The following MTOR variants were observed in gnomAD, a reference collection of about 807,000 sequenced individuals.
MTOR encodes the protein serine/threonine-protein kinase mTOR.
In MTOR, 70 loss-of-function variants were observed where a neutral mutation model predicts 319.8. The ratio of observed to expected loss-of-function variants is 0.22; its 90% CI spans 0.18 to 0.27. MTOR has a LOEUF of 0.27. Ranked by LOEUF, MTOR falls within the 10% of genes least tolerant of loss-of-function variation. The pLI, the probability that MTOR is intolerant of heterozygous loss-of-function variation, is 1.00. For missense variants in MTOR, 1,890 were observed against 3,274.4 expected (o/e 0.58, Z 10.32); for synonymous variants, 1,183 against 1,211.4 (o/e 0.98, Z 0.49).
At chr1:11,110,686 G>A (rs2015818) in intron 54 of MTOR, among the ~76,000 whole-genome samples, 85,336 of 151,932 alleles carry the variant, frequency 0.56, 28,898 homozygotes, top group East Asian at 0.78. Flanking sequence ...ATGAACCACC[G>A]CACCCGGGTG....
chr1:11,107,494 A>T lies in MTOR; in HGVS notation c.7641T>A (p.Pro2547=). Residue 2547 remains proline, a synonymous_variant, in exon 58 of 58, where the codon CCT becomes CCA. Transcript: ENST00000361445. ...NLCQCYIGWC[P]FW ...ACATCTGGGCCTCCAGTTACCAGAA[A>T]GGGCACCTAAGAAGGCAGAAAGAAA... The T allele has an allele frequency of 1.9e-6, 3 of 1,613,488 alleles. No individual in the cohort carries two copies. The highest frequency in any genetic ancestry group is 2.5e-6 in the Non-Finnish European group (3 of 1,179,826).
At chr1:11,117,181 G>T in intron 49 of MTOR, 95 bp from the exon 50 acceptor site, 1 of 1,040,366 alleles carries the variant, frequency 9.6e-7, no homozygotes, top group South Asian at 1.6e-5. Context: ...GTACTTTTGA[G>T]ACCGAGTCTC....
Position 11,240,286 on chromosome 1 carries a change from C to T in MTOR, c.1786+17G>A. Reference sequence around the variant, plus strand: ...GCATCTCTCACTATCTTGGCAAGAGCCGTTGTAATTTCTTACCTTCAAATT... The same window carrying T: ...GCATCTCTCACTATCTTGGCAAGAGTCGTTGTAATTTCTTACCTTCAAATT... On this transcript the variant is annotated intron_variant, in intron 11 of 57. Transcript: ENST00000361445. 6.5e-7 allele frequency: 1 copy of T among 1,537,582 alleles called. No individual in the cohort carries two copies. The highest frequency in any genetic ancestry group is 8.7e-7 in the Non-Finnish European group (1 of 1,143,398).
At chr1:11,180,368 T>C (rs1645108584) in intron 28 of MTOR, among the ~76,000 whole-genome samples, 1 of 152,216 alleles carries the variant, frequency 6.6e-6, no homozygotes, top group Non-Finnish European at 1.5e-5. Flanking sequence ...ATTGGCACCC[T>C]GGAAACATGT....
Position 11,107,394 on chromosome 1 carries a change from A to C in MTOR, c.*91T>G. The C allele has an allele frequency of 6.4e-7, 1 of 1,568,350 alleles. No individual in the cohort carries two copies. The highest frequency in any genetic ancestry group is 8.6e-7 in the Non-Finnish European group (1 of 1,165,154). On this transcript the variant is annotated 3_prime_UTR_variant, in exon 58 of 58. Transcript: ENST00000361445. ...CATTTCAAAATATTTAACAAAGTCA[A>C]ACTTTCTCACCATGGTTTCAGTTTA...
chr1:11,192,460 AGAAAG>A, intron 28 of MTOR: 2 of 1,191,522 alleles, frequency 1.7e-6, no homozygotes, highest in Admixed American at 1.9e-5. Context: ...CACAGTTTAA[AGAAAG>A]GAAAATTCGG....
intron 34 of MTOR, among the ~76,000 whole-genome samples, chr1:11,141,399 G>C (rs745834584): frequency 1.3e-5 from 2 of 151,096 alleles, no homozygotes; most frequent in South Asian, 4.2e-4. Context: ...AGGTGGGATC[G>C]TTCTTGTCTC....
intron 28 of MTOR, chr1:11,192,198 C>T (rs1161216083): frequency 7.2e-6 from 8 of 1,113,940 alleles, no homozygotes; most frequent in Non-Finnish European, 1.1e-5. Flanking sequence ...AATAAAGGCT[C>T]AGTCTCTAAA....
At chr1:11,160,105 T>TTTATTTATTTAA (rs1644430347) in intron 29 of MTOR, among the ~76,000 whole-genome samples, 1 of 150,518 alleles carries the variant, frequency 6.6e-6, no homozygotes, top group South Asian at 2.1e-4. Context: ...TATTTATTTA[T>TTTATTTATTTAA]TTATTTAATT....
intron 26 of MTOR, among the ~76,000 whole-genome samples, chr1:11,200,563 C>T (rs143203172): frequency 6.6e-6 from 1 of 152,126 alleles, no homozygotes; most frequent in African/African-American, 2.4e-5. Context: ...CAGGATATAC[C>T]TACAATGGAT....
At chr1:11,253,381 A>G (rs999018602) in intron 6 of MTOR, among the ~76,000 whole-genome samples, 1 of 151,938 alleles carries the variant, frequency 6.6e-6, no homozygotes, top group African/African-American at 2.4e-5. Context: ...GCATACTTCC[A>G]ATGTTTACCC....
intron 54 of MTOR, among the ~76,000 whole-genome samples, chr1:11,112,552 GA>G (rs1641941326): frequency 6.6e-6 from 1 of 152,204 alleles, no homozygotes; most frequent in East Asian, 1.9e-4. Context: ...AGAACCACGA[GA>G]AAACTAGATT....
chr1:11,240,834 G>C (rs992749263), intron 10 of MTOR, among the ~76,000 whole-genome samples: 5 of 152,154 alleles, frequency 3.3e-5, no homozygotes, highest in Non-Finnish European at 7.3e-5. Context: ...TAAGAACACT[G>C]TCCTTATTTT....
rs17848582 is a variant in MTOR at position 11,258,828 on chromosome 1, C to T, written c.163-235G>A. On this transcript the variant is annotated intron_variant, in intron 2 of 57. Transcript: ENST00000361445. The stretch of plus-strand genomic sequence containing the variant: ...TACTCTGTGGCAGAAAATGTCCTGT[C>T]CTAGGTTCTTTCTAGTACCAGGGAT... 1.7e-3 allele frequency among the ~76,000 whole-genome samples: 255 copies of T among 152,212 alleles called. 7 individuals are homozygous for T. The East Asian group carries it at 0.036, about 21-fold the overall frequency.
intron 19 of MTOR, among the ~76,000 whole-genome samples, chr1:11,222,192 T>TA (rs979534425): frequency 1.3e-5 from 2 of 151,716 alleles, no homozygotes; most frequent in Admixed American, 6.6e-5. Flanking sequence ...AAAATTTATT[T>TA]AAAAAAAATT....
chr1:11,257,097 G>C lies in MTOR; in HGVS notation c.340C>G (p.Leu114Val), dbSNP rs1167561582. Reference sequence around the variant, plus strand: ...ACAACTGGGTCATTGGAGGGGAGGAGGTTCCGAAGATAGTTGGCAAATCTG... The same window carrying C: ...ACAACTGGGTCATTGGAGGGGAGGACGTTCCGAAGATAGTTGGCAAATCTG... Reference protein sequence around the residue: ...IGRFANYLRNLLPSNDPVVME... With the variant: ...IGRFANYLRNVLPSNDPVVME... The change falls in exon 4 of 58, where the codon CTC (leucine) becomes GTC (valine). Residue 114 changes from leucine (L) to valine (V), a missense_variant. Transcript: ENST00000361445. The C allele has an allele frequency of 1.9e-6, 3 of 1,614,058 alleles. No individual in the cohort carries two copies. The highest frequency in any genetic ancestry group is 2.5e-6 in the Non-Finnish European group (3 of 1,180,032).
At chr1:11,187,866 G>C (rs954581747) in intron 28 of MTOR, among the ~76,000 whole-genome samples, 2 of 152,176 alleles carry the variant, frequency 1.3e-5, no homozygotes, top group African/African-American at 4.8e-5. Context: ...TGATTAGAAT[G>C]CCAAGTTGCT....
chr1:11,128,962 A>C lies in MTOR; in HGVS notation c.5715-11T>G. 1 of 1,609,406 alleles carries C rather than the reference A, an allele frequency of 6.2e-7. No individual in the cohort carries two copies. Among genetic ancestry groups the C allele is most frequent in the Non-Finnish European group, 8.5e-7 (1 of 1,177,218 alleles). On this transcript the variant is annotated splice_polypyrimidine_tract_variant and intron_variant, in intron 40 of 57. Transcript: ENST00000361445. The surrounding 1 kb of genome is among the most constrained non-coding windows in gnomAD (Gnocchi z 5.3). ...CATAAGGTGAGAACTCTGAAAAAGA[A>C]ATGAGAAAGTCACAGAAAATTTAGT...
intron 49 of MTOR, among the ~76,000 whole-genome samples, chr1:11,119,111 G>A (rs1205980579): frequency 1.3e-5 from 2 of 152,042 alleles, no homozygotes; most frequent in Non-Finnish European, 2.9e-5. Context: ...TAACCTCAAG[G>A]TGGAGAGGGC....
Sources: gnomAD v4.1 joint callset for allele counts (sites outside exome capture counted in the v4.1 genomes callset) on GRCh38, gnomAD v4.1.1 for gene constraint, Gnocchi (gnomAD v3.1) non-coding constraint, MANE v1.5 for transcripts, NCBI Gene and HGNC (gene_info 2026-07-23, HGNC 2026-07-21) for gene names.